The following TMEM9B variants were observed in gnomAD, a reference collection of about 807,000 sequenced individuals.
TMEM9B encodes TMEM9 domain family member B, also known as transmembrane protein 9B.
TMEM9B carries 8 observed loss-of-function variants against 23.5 expected under a neutral mutation model. The observed-to-expected ratio is 0.34, with a 90% CI of 0.20 to 0.61. The LOEUF (loss-of-function observed/expected upper bound fraction) is 0.61. Among genes scored for constraint, TMEM9B ranks in the 20% least tolerant of loss-of-function variants. The pLI is 0.78. For missense variants in TMEM9B, 197 were observed against 252.3 expected (o/e 0.78, Z 1.49); for synonymous variants, 106 against 96.3 (o/e 1.10, Z -0.59).
chr11:8,955,461 G>T (rs1032641052), intron 3 of TMEM9B, among the ~76,000 whole-genome samples: 2 of 152,120 alleles, frequency 1.3e-5, no homozygotes, highest in Admixed American at 1.3e-4. Flanking sequence ...ATCAGTGGGA[G>T]CCCTGAGCTT....
chr11:8,963,069 T>C (rs1285241756), intron 1 of TMEM9B, among the ~76,000 whole-genome samples: 1 of 152,176 alleles, frequency 6.6e-6, no homozygotes, highest in Non-Finnish European at 1.5e-5. Flanking sequence ...CAGATAAGCA[T>C]AAGACATGGT....
rs150982895 is a variant in TMEM9B, at chr11:8,956,193, G to T, written c.303C>A (p.Ile101=). ...GATAGAGGGATATATATTTTACCTT[G>T]ATTGTGACAGAGCTTCTTTCTTCAT... ...CKYEERSSVT[I]KVTIIIYLSI... Residue 101 remains isoleucine, a synonymous_variant, in exon 3 of 5, where the codon ATC becomes ATA. Transcript: ENST00000534025. 2.3e-4 allele frequency: 366 copies of T among 1,612,460 alleles called. No homozygotes were observed. Among genetic ancestry groups the T allele is most frequent in the Non-Finnish European group, 3.0e-4 (352 of 1,179,424 alleles).
chr11:8,963,380 A>C (rs1288540689), intron 1 of TMEM9B, among the ~76,000 whole-genome samples: 3 of 152,246 alleles, frequency 2.0e-5, no homozygotes, highest in Non-Finnish European at 4.4e-5. Context: ...ACTAATGTGA[A>C]TCCCTTCTGT....
intron 2 of TMEM9B, 107 bp downstream of exon 2, chr11:8,961,984 CA>C: frequency 1.3e-6 from 1 of 742,174 alleles, no homozygotes; most frequent in Non-Finnish European, 2.1e-6. Context: ...ATTTTTGCTT[CA>C]AATGAAATAC....
chr11:8,953,151 C>A, intron 4 of TMEM9B, 52 bp downstream of exon 4: 1 of 1,612,374 alleles, frequency 6.2e-7, no homozygotes, highest in Non-Finnish European at 8.5e-7. Flanking sequence ...CACTTCACAT[C>A]GAATGATGAC....
chr11:8,964,641 G>C (rs1854166878), upstream of TMEM9B: 1 of 366,410 alleles, frequency 2.7e-6, no homozygotes, highest in Admixed American at 5.3e-5. Context: ...TATCTTTCCC[G>C]GGCGCAGAAG....
At chr11:8,956,133 A>G (rs1217722477) in intron 3 of TMEM9B, 57 bp downstream of exon 3, 2 of 1,526,068 alleles carry the variant, frequency 1.3e-6, no homozygotes, top group African/African-American at 1.4e-5. Context: ...ACCATCCAGA[A>G]GCAGAAAAGA....
chr11:8,953,276 GTAAGA>G lies in TMEM9B; in HGVS notation c.363_367del (p.Leu122SerfsTer3). 6.2e-7 allele frequency: 1 copy of G among 1,614,050 alleles called. No homozygotes were observed. The highest frequency in any genetic ancestry group is 8.5e-7 in the Non-Finnish European group (1 of 1,179,970). The stretch of plus-strand genomic sequence containing the variant: ...CCTCTTCAGTATGGGCTCAACCAGA[GTAAGA>G]TATACCATGTACAGAAGTAGAAGGC... On this transcript the variant is annotated frameshift_variant, in exon 4 of 5. Coordinates refer to ENST00000534025, the MANE Select transcript of TMEM9B (RefSeq NM_020644.3). LOFTEE classifies it high-confidence loss of function.
At chr11:8,951,970 G>A (rs1298183066) in intron 4 of TMEM9B, among the ~76,000 whole-genome samples, 7 of 151,930 alleles carry the variant, frequency 4.6e-5, no homozygotes, top group Admixed American at 2.0e-4. Flanking sequence ...TTAGCCAGGC[G>A]TGGTGGCAGG....
At chr11:8,951,173 T>C (rs1383567155) in intron 4 of TMEM9B, among the ~76,000 whole-genome samples, 3 of 152,234 alleles carry the variant, frequency 2.0e-5, no homozygotes, top group Non-Finnish European at 2.9e-5. Flanking sequence ...ATTTCTCTTA[T>C]GTTTTGTGTT....
intron 2 of TMEM9B, 107 bp from the exon 3 acceptor site, chr11:8,956,405 A>C: frequency 1.3e-6 from 1 of 741,568 alleles, no homozygotes; most frequent in Non-Finnish European, 2.2e-6. Context: ...ACCCAATGAA[A>C]GAGCATAAAA....
rs1453467491 is a variant in TMEM9B, at chr11:8,957,250, G to T, written c.198-952C>A. 6.6e-6 allele frequency among the ~76,000 whole-genome samples: 1 copy of T among 152,170 alleles called. No homozygotes were observed. Among genetic ancestry groups the T allele is most frequent in the Non-Finnish European group, 1.5e-5 (1 of 68,030 alleles). On this transcript the variant is annotated intron_variant, in intron 2 of 4. Coordinates refer to ENST00000534025, the MANE Select transcript of TMEM9B (RefSeq NM_020644.3). This position sits in a 1 kb window ranked among gnomAD's most constrained non-coding sequence, Gnocchi z 4.3. ...AATAAAAACTAACAAAGGGATGAGT[G>T]TTTTTGTTGAATGTTACTTATTTCC...
chr11:8,951,089 G>A (rs556193171), intron 4 of TMEM9B, among the ~76,000 whole-genome samples: 3 of 152,120 alleles, frequency 2.0e-5, no homozygotes, highest in Non-Finnish European at 4.4e-5. Context: ...TCAATCACTG[G>A]TGGACAAAAC....
Position 8,964,370 on chromosome 11 carries a change from G to C in TMEM9B, c.-57C>G. Reference sequence around the variant, plus strand: ...GCCCCCGCGACCGGCTCCCGGCTCGGGCTCAGGCTCAGGCTCAGGCTCAGG... The same window carrying C: ...GCCCCCGCGACCGGCTCCCGGCTCGCGCTCAGGCTCAGGCTCAGGCTCAGG... On this transcript the variant is annotated 5_prime_UTR_variant, in exon 1 of 5. Transcript: ENST00000534025. The C allele has an allele frequency of 7.0e-7, 1 of 1,421,678 alleles. No homozygotes were observed. The highest frequency in any genetic ancestry group is 9.1e-7 in the Non-Finnish European group (1 of 1,096,432). 88.1% of individuals were successfully genotyped at this position (1,421,678 alleles called of 1,614,324 possible).
rs1314563244 is a variant in TMEM9B at position 8,947,578 on chromosome 11, G to A, written c.*742C>T. 5 of 152,732 alleles carry A rather than the reference G, an allele frequency of 3.3e-5. No individual in the cohort carries two copies. Among genetic ancestry groups the A allele is most frequent in the South Asian group, 4.1e-4 (2 of 4,830 alleles). The allele number at this position is 152,732 out of a possible 1,614,324, so 9.5% of individuals were successfully genotyped here. A position where few individuals can be genotyped will look rare whatever the true frequency, so the allele number is the denominator to read the frequency against. ...TGTCCTTAAAGGTACTAGAAGATGA[G>A]TAAGACCACACACACCAAGACTATG... On this transcript the variant is annotated 3_prime_UTR_variant, in exon 5 of 5. Coordinates refer to ENST00000534025, the MANE Select transcript of TMEM9B (RefSeq NM_020644.3).
Position 8,952,104 on chromosome 11 carries a change from G to A in TMEM9B, c.441+1099C>T, listed in dbSNP as rs564957458. 7.2e-5 allele frequency among the ~76,000 whole-genome samples: 11 copies of A among 152,130 alleles called. No homozygotes were observed. In the South Asian group the frequency reaches 1.2e-3, roughly 17 times the overall value. ...AGCATGGGCGACAGAGTGAGACTCC[G>A]TCTCAAAAAACAAAAAAAACATTCT... On this transcript the variant is annotated intron_variant, in intron 4 of 4. Transcript: ENST00000534025.
At position 8,962,477 on chromosome 11, in the gene TMEM9B, C is replaced by T. The variant is rs142729947; in HGVS notation, c.106-294G>A. Among the ~76,000 whole-genome samples the T allele has an allele frequency of 3.9e-3, 594 of 152,198 alleles. 13 individuals carry two copies. Among genetic ancestry groups the T allele is most frequent in the Admixed American group, 0.037 (561 of 15,278 alleles). ...AATCAAATTATGTTAATGTTATTACCATCTATCTGCCACTAGAAAGACACA... is the reference window on the plus strand; with the variant it reads ...AATCAAATTATGTTAATGTTATTACTATCTATCTGCCACTAGAAAGACACA... On this transcript the variant is annotated intron_variant, in intron 1 of 4. Transcript: ENST00000534025.
At chr11:8,952,285 A>ACATGCT (rs1566121935) in intron 4 of TMEM9B, among the ~76,000 whole-genome samples, 3 of 89,596 alleles carry the variant, frequency 3.3e-5, no homozygotes, top group Non-Finnish European at 4.9e-5. Flanking sequence ...CACACGCTAT[A>ACATGCT]TATATATATA....
intron 2 of TMEM9B, among the ~76,000 whole-genome samples, chr11:8,958,458 C>G (rs1392593841): frequency 6.7e-6 from 1 of 149,118 alleles, no homozygotes; most frequent in Non-Finnish European, 1.5e-5. Flanking sequence ...GAGACTCTGT[C>G]TCAAAAAAAA....
Sources: gnomAD v4.1 joint callset for allele counts (sites outside exome capture counted in the v4.1 genomes callset) on GRCh38, gnomAD v4.1.1 for gene constraint, Gnocchi (gnomAD v3.1) non-coding constraint, MANE v1.5 for transcripts, NCBI Gene and HGNC (gene_info 2026-07-23, HGNC 2026-07-21) for gene names.